Variants in ADGRG7 observed in about 807,000 individuals in gnomAD.
ADGRG7 encodes the protein adhesion G protein-coupled receptor G7.
A neutral mutation model predicts 88.6 loss-of-function variants in ADGRG7; 82 were observed. The ratio of observed to expected loss-of-function variants is 0.93; its 90% CI spans 0.77 to 1.11. The LOEUF is 1.11. ADGRG7 is among the 50% of genes most tolerant of loss of function. The pLI, the probability that ADGRG7 is intolerant of heterozygous loss-of-function variation, is 0.00. For synonymous variants in ADGRG7, 381 were observed against 345.2 expected (o/e 1.10, Z -1.15); for missense variants, 945 against 953.4 (o/e 0.99, Z 0.12).
rs535401932 is a variant in ADGRG7, at chr3:100,687,781, G to A, written c.2137-6963G>A. ...ATGTGCTGCTGGATTCGGTTTGCCAGTATTTTATTGAGGATTTTTGCATCG... is the reference window on the plus strand; with the variant it reads ...ATGTGCTGCTGGATTCGGTTTGCCAATATTTTATTGAGGATTTTTGCATCG... On this transcript the variant is annotated intron_variant, in intron 15 of 15. Coordinates refer to ENST00000273352, the MANE Select transcript of ADGRG7 (RefSeq NM_032787.3). Among the ~76,000 whole-genome samples, 1,067 of 152,290 alleles carry A rather than the reference G, an allele frequency of 7.0e-3. 16 individuals carry two copies. The highest frequency in any genetic ancestry group is 0.024 in the African/African-American group (1,015 of 41,556).
rs1707122437 is a variant in ADGRG7, at chr3:100,609,937, G to C, written c.81G>C (p.Leu27=). The C allele has an allele frequency of 2.5e-6, 4 of 1,613,642 alleles. No individual in the cohort carries two copies. The highest frequency in any genetic ancestry group is 3.4e-6 in the Non-Finnish European group (4 of 1,179,746). ...TACTGACTGGCATCATTTTGGGACTGGGCATCTGGAGGATTGTGATCAGGA... is the reference window on the plus strand; with the variant it reads ...TACTGACTGGCATCATTTTGGGACTCGGCATCTGGAGGATTGTGATCAGGA... ...CGLLTGIILG[L]GIWRIVIRIQ... Residue 27 remains leucine, a synonymous_variant, in exon 1 of 16, where the codon CTG becomes CTC. Transcript: ENST00000273352.
chr3:100,617,162 A>G (rs868501323), intron 1 of ADGRG7, among the ~76,000 whole-genome samples: 1 of 152,210 alleles, frequency 6.6e-6, no homozygotes, highest in South Asian at 2.1e-4. Flanking sequence ...AAAGATGTTT[A>G]TAGAAAAAAG....
chr3:100,693,665 T>C (rs930494063), intron 15 of ADGRG7, among the ~76,000 whole-genome samples: 1 of 152,188 alleles, frequency 6.6e-6, no homozygotes, highest in African/African-American at 2.4e-5. Context: ...TTTTTAAAAA[T>C]ACCTTTTCAT....
intron 15 of ADGRG7, among the ~76,000 whole-genome samples, chr3:100,690,540 GT>G (rs2094991456): frequency 6.6e-6 from 1 of 152,122 alleles, no homozygotes; most frequent in Admixed American, 6.5e-5. Context: ...ATACAGGTGG[GT>G]TTTTGGTGTG....
At chr3:100,665,176 T>C in intron 14 of ADGRG7, 1 of 539,576 alleles carries the variant, frequency 1.9e-6, no homozygotes. Context: ...CATATATCAT[T>C]TGTTGTTCAG....
At chr3:100,660,725 G>A (rs1318135028) in intron 14 of ADGRG7, among the ~76,000 whole-genome samples, 3 of 151,976 alleles carry the variant, frequency 2.0e-5, no homozygotes, top group Non-Finnish European at 4.4e-5. Context: ...GGCGGGGGTG[G>A]GTGGATCACC....
At chr3:100,680,063 C>CA (rs1328929100) in intron 15 of ADGRG7, among the ~76,000 whole-genome samples, 1 of 151,792 alleles carries the variant, frequency 6.6e-6, no homozygotes, top group Non-Finnish European at 1.5e-5. Flanking sequence ...TCTCAATTGT[C>CA]AAAAAAGGGG....
chr3:100,642,650 A>C (rs1559676903), intron 6 of ADGRG7, among the ~76,000 whole-genome samples: 1 of 152,214 alleles, frequency 6.6e-6, no homozygotes. Context: ...GAGAATGCCA[A>C]ATTGACAGGT....
At position 100,654,855 on chromosome 3, in the gene ADGRG7, T is replaced by G. The variant is rs1242223863; in HGVS notation, c.1400T>G (p.Val467Gly). 6.4e-7 allele frequency: 1 copy of G among 1,572,792 alleles called. No individual in the cohort carries two copies. Among genetic ancestry groups the G allele is most frequent in the Non-Finnish European group, 8.6e-7 (1 of 1,157,372 alleles). The change falls in exon 12 of 16, where the codon GTA becomes GGA. Residue 467 changes from valine to glycine, a missense_variant. Transcript: ENST00000273352. ...IVTRKVRKTS[V>G]TWVLVNLCIS... ...TTCAGGAAAGTCAGAAAAACCTCAGTAACCTGGGTTTTGGTCAATCTGTGC... is the reference window on the plus strand; with the variant it reads ...TTCAGGAAAGTCAGAAAAACCTCAGGAACCTGGGTTTTGGTCAATCTGTGC...
intron 15 of ADGRG7, 79 bp from the exon 16 acceptor site, chr3:100,694,665 T>A: frequency 7.6e-7 from 1 of 1,313,980 alleles, no homozygotes. Context: ...GAAGGTTGGG[T>A]GGCAGAGTGA....
intron 3 of ADGRG7, among the ~76,000 whole-genome samples, chr3:100,631,584 T>C (rs567194660): frequency 6.6e-6 from 1 of 152,300 alleles, no homozygotes; most frequent in East Asian, 1.9e-4. Context: ...GGTAATTCGC[T>C]ACTTCCTATG....
chr3:100,672,874 T>A (rs187851117), intron 15 of ADGRG7, among the ~76,000 whole-genome samples: 6 of 152,320 alleles, frequency 3.9e-5, no homozygotes, highest in African/African-American at 1.4e-4. Flanking sequence ...GATTTGTGTA[T>A]GTTGAGCCAG....
intron 15 of ADGRG7, among the ~76,000 whole-genome samples, chr3:100,671,499 G>T (rs1320824028): frequency 2.0e-5 from 3 of 152,140 alleles, no homozygotes; most frequent in African/African-American, 7.2e-5. Context: ...CCATTCTGTA[G>T]GTTGCTGCCT....
chr3:100,636,663 AT>A (rs1257697477), intron 5 of ADGRG7, among the ~76,000 whole-genome samples: 1 of 152,010 alleles, frequency 6.6e-6, no homozygotes, highest in Non-Finnish European at 1.5e-5. Flanking sequence ...AAATTGAAAT[AT>A]TTTTCCTGCT....
Position 100,609,985 on chromosome 3 carries a change from G to C in ADGRG7, c.115+14G>C. 4 of 1,595,572 alleles carry C rather than the reference G, an allele frequency of 2.5e-6. No individual in the cohort carries two copies. Among genetic ancestry groups the C allele is most frequent in the Non-Finnish European group, 3.4e-6 (4 of 1,163,856 alleles). ...GGATCCAAAGAGGTAATGTTGTCCT[G>C]CTATGTTTAACTCAGAGTAAGAGAA... On this transcript the variant is annotated intron_variant, in intron 1 of 15. Coordinates refer to ENST00000273352, the MANE Select transcript of ADGRG7 (RefSeq NM_032787.3).
chr3:100,625,880 A>G (rs1165254), intron 1 of ADGRG7, among the ~76,000 whole-genome samples: 151,622 of 152,332 alleles, frequency 1, 75,460 homozygotes, highest in Middle Eastern at 1. Flanking sequence ...GGATGAAGCC[A>G]ACTTGATCGT....
Position 100,645,252 on chromosome 3 carries a change from C to T in ADGRG7, c.947-693C>T, listed in dbSNP as rs544709754. 1.4e-4 allele frequency among the ~76,000 whole-genome samples: 21 copies of T among 152,372 alleles called. 1 individual carries two copies. The highest frequency in any genetic ancestry group is 3.6e-4 in the African/African-American group (15 of 41,594). ...TGCCACCAACGGGCTGGGTGCCAAA[C>T]CCTCCACAGCAGCGATGGTCTTTCA... On this transcript the variant is annotated intron_variant, in intron 8 of 15. Coordinates refer to ENST00000273352, the MANE Select transcript of ADGRG7 (RefSeq NM_032787.3).
Position 100,655,116 on chromosome 3 carries a change from T to C in ADGRG7, c.1661T>C (p.Leu554Pro). 6.2e-7 allele frequency: 1 copy of C among 1,614,138 alleles called. No homozygotes were observed. The highest frequency in any genetic ancestry group is 1.7e-4 in the Middle Eastern group (1 of 6,060). ...CTCAGCGCTGCACAGCTCTATTACC[T>C]TCTAATAAGGACCATGAAGCCTCTT... ...NALSAAQLYY[L>P]LIRTMKPLPR... The change falls in exon 12 of 16, where the codon CTT becomes CCT. Residue 554 changes from leucine to proline, a missense_variant. Physicochemically the swap from Leu to Pro is moderately conservative, Grantham distance 98 (BLOSUM62 -3). Transcript: ENST00000273352.
intron 1 of ADGRG7, among the ~76,000 whole-genome samples, chr3:100,614,966 A>G (rs1199325533): frequency 6.6e-6 from 1 of 152,192 alleles, no homozygotes; most frequent in Non-Finnish European, 1.5e-5. Context: ...GAATATAGGA[A>G]AATTATTATT....
Sources: gnomAD v4.1 joint callset for allele counts (sites outside exome capture counted in the v4.1 genomes callset) on GRCh38, gnomAD v4.1.1 for gene constraint, MANE v1.5 for transcripts, NCBI Gene and HGNC (gene_info 2026-07-23, HGNC 2026-07-21) for gene names.